The following CLASP1 variants were observed in gnomAD, a reference collection of about 807,000 sequenced individuals.
CLASP1 encodes cytoplasmic linker associated protein 1.
A neutral mutation model predicts 192.3 loss-of-function variants in CLASP1; 38 were observed. The observed-to-expected ratio is 0.20, with a 90% CI of 0.15 to 0.26. The LOEUF is 0.26. CLASP1 is among the 10% of genes least tolerant of loss of function. CLASP1 has a pLI of 1.00. For synonymous variants in CLASP1, 691 were observed against 712.8 expected, an observed-to-expected ratio of 0.97 and a Z score of 0.49; for missense variants, 1,433 against 1,932.5, an observed-to-expected ratio of 0.74 and a Z score of 4.85.
At chr2:121,347,832 G>C (rs938883518) in intron 38 of CLASP1, among the ~76,000 whole-genome samples, 17 of 152,182 alleles carry the variant, frequency 1.1e-4, no homozygotes, top group African/African-American at 4.1e-4. Context: ...CAAGTGCCCA[G>C]CAAACAGCAG....
intron 8 of CLASP1, among the ~76,000 whole-genome samples, chr2:121,480,972 G>A (rs559670142): frequency 2.6e-5 from 4 of 152,330 alleles, no homozygotes; most frequent in South Asian, 2.1e-4. Flanking sequence ...CCTGGCATGC[G>A]TCCAAAGGAG....
intron 19 of CLASP1, among the ~76,000 whole-genome samples, chr2:121,435,494 G>A (rs1180583394): frequency 6.6e-6 from 1 of 152,032 alleles, no homozygotes. Flanking sequence ...GGCTGGTCTT[G>A]ACCTCCCAAC....
chr2:121,411,810 C>T (rs142423232), intron 23 of CLASP1, among the ~76,000 whole-genome samples: 1 of 152,234 alleles, frequency 6.6e-6, no homozygotes, highest in Admixed American at 6.5e-5. Flanking sequence ...GAGATTAAAA[C>T]TATACTAGGA....
chr2:121,349,685 G>C (rs1405860296), intron 37 of CLASP1, among the ~76,000 whole-genome samples: 1 of 152,176 alleles, frequency 6.6e-6, no homozygotes, highest in Non-Finnish European at 1.5e-5. Flanking sequence ...GCTTTTCTAG[G>C]ACTCTGTGCT....
intron 1 of CLASP1, among the ~76,000 whole-genome samples, chr2:121,629,086 CAAT>C (rs777196308): frequency 1.3e-5 from 2 of 152,032 alleles, no homozygotes; most frequent in Non-Finnish European, 2.9e-5. Context: ...CAGTTACCAA[CAAT>C]GATGATAAAA....
At position 121,469,050 on chromosome 2, in the gene CLASP1, TGTTTGTTTTTC is replaced by T. The variant is rs1190825352; in HGVS notation, c.865+747_865+757del. Among the ~76,000 whole-genome samples, 6 of 152,142 alleles carry T rather than the reference TGTTTGTTTTTC, an allele frequency of 3.9e-5. No homozygotes were observed. In the South Asian group the frequency reaches 1.2e-3, roughly 31 times the overall value. On this transcript the variant is annotated intron_variant, in intron 9 of 39. Coordinates refer to ENST00000263710, the Ensembl canonical transcript of CLASP1. Reference sequence around the variant, plus strand: ...GGGGTTTTTTGTTGTTGCTGTTTTCTGTTTGTTTTTCGTTTAACAGTCTGGTCACTCTTCCG... The same window carrying T: ...GGGGTTTTTTGTTGTTGCTGTTTTCTGTTTAACAGTCTGGTCACTCTTCCG...
intron 30 of CLASP1, among the ~76,000 whole-genome samples, chr2:121,389,958 CG>C (rs146635920): frequency 0.04 from 6,042 of 152,218 alleles, 161 homozygotes; most frequent in East Asian, 0.14. Context: ...ACTGCAGCCT[CG>C]AACTCCTGTG....
At chr2:121,487,377 T>C (rs1575390806) in intron 8 of CLASP1, among the ~76,000 whole-genome samples, 1 of 152,178 alleles carries the variant, frequency 6.6e-6, no homozygotes, top group Non-Finnish European at 1.5e-5. Flanking sequence ...GTGAAAAAGA[T>C]TTTCTTAAAG....
chr2:121,577,934 T>C (rs142211038), intron 2 of CLASP1, among the ~76,000 whole-genome samples: 1 of 152,066 alleles, frequency 6.6e-6, no homozygotes, highest in East Asian at 1.9e-4. Context: ...ACTGATTGAT[T>C]GATTAATTGA....
chr2:121,371,200 AGTGT>A (rs60214641), intron 34 of CLASP1, among the ~76,000 whole-genome samples: 5 of 150,344 alleles, frequency 3.3e-5, no homozygotes, highest in Admixed American at 2.7e-4. Context: ...GCACATATTA[AGTGT>A]GTGTGTGTGT....
chr2:121,629,224 A>T (rs943491029), intron 1 of CLASP1, among the ~76,000 whole-genome samples: 6 of 151,838 alleles, frequency 4.0e-5, no homozygotes, highest in African/African-American at 1.5e-4. Context: ...CCCCGTCTCT[A>T]CTAAAAATAC....
chr2:121,418,579 A>AAAGG (rs1289223921), intron 23 of CLASP1, 43 bp downstream of exon 23: 4 of 1,367,622 alleles, frequency 2.9e-6, no homozygotes, highest in Non-Finnish European at 3.1e-6. Context: ...ACAAGCAGGG[A>AAAGG]AAGGAACTCT....
intron 6 of CLASP1, among the ~76,000 whole-genome samples, chr2:121,518,474 G>C (rs745574672): frequency 6.6e-6 from 1 of 152,098 alleles, no homozygotes; most frequent in Non-Finnish European, 1.5e-5. Flanking sequence ...TAACTCACTC[G>C]GTCTACAGCA....
chr2:121,432,137 CAG>C (rs1428163952), intron 19 of CLASP1, among the ~76,000 whole-genome samples: 4 of 152,086 alleles, frequency 2.6e-5, no homozygotes, highest in African/African-American at 9.7e-5. Flanking sequence ...ATATATGAGG[CAG>C]AGTCTCTTTC....
At chr2:121,474,802 T>C (rs920271648) in intron 8 of CLASP1, among the ~76,000 whole-genome samples, 1 of 152,170 alleles carries the variant, frequency 6.6e-6, no homozygotes, top group African/African-American at 2.4e-5. Flanking sequence ...AACCGAACTT[T>C]AGGAGGCTGC....
chr2:121,382,687 T>C (rs1407852432), intron 32 of CLASP1, among the ~76,000 whole-genome samples: 4 of 152,218 alleles, frequency 2.6e-5, no homozygotes, highest in South Asian at 4.1e-4. Context: ...CAAGAAAATA[T>C]GGATGCTCAC....
rs566001400 is a variant in CLASP1, at chr2:121,495,301, C to T, written c.712+7866G>A. Among the ~76,000 whole-genome samples, 6 of 151,830 alleles carry T rather than the reference C, an allele frequency of 4.0e-5. No homozygotes were observed. The East Asian group carries it at 9.7e-4, about 24-fold the overall frequency. ...TGGCACCACTGCCCTCCAGCCTGGGCGACAGAGCTGGACTCCGTCTCTAAA... is the reference window on the plus strand; with the variant it reads ...TGGCACCACTGCCCTCCAGCCTGGGTGACAGAGCTGGACTCCGTCTCTAAA... On this transcript the variant is annotated intron_variant, in intron 8 of 39. Transcript: ENST00000263710.
At chr2:121,568,907 A>T (rs2059735301) in intron 2 of CLASP1, among the ~76,000 whole-genome samples, 1 of 152,062 alleles carries the variant, frequency 6.6e-6, no homozygotes, top group Admixed American at 6.6e-5. Context: ...AGTTTGGAGG[A>T]ATAGAATTGA....
intron 34 of CLASP1, among the ~76,000 whole-genome samples, chr2:121,374,932 G>T (rs1379276474): frequency 7.9e-5 from 12 of 152,284 alleles, no homozygotes; most frequent in Middle Eastern, 3.4e-3. Context: ...TTGAGTTAAT[G>T]CAGGAATGAG....
Sources: gnomAD v4.1 joint callset for allele counts (sites outside exome capture counted in the v4.1 genomes callset) on GRCh38, gnomAD v4.1.1 for gene constraint, MANE v1.5 for transcripts, NCBI Gene and HGNC (gene_info 2026-07-23, HGNC 2026-07-21) for gene names.